The following NEK7 variants were observed in gnomAD, a reference collection of about 807,000 sequenced individuals.
NEK7 encodes the protein NIMA related kinase 7.
Under a neutral mutation model 44.6 loss-of-function variants are expected in NEK7, and 18 were observed. The observed-to-expected ratio is 0.40, with a 90% CI of 0.28 to 0.60. The LOEUF (loss-of-function observed/expected upper bound fraction) is 0.60, where lower values mean the gene tolerates loss of function less well. NEK7 is among the 20% of genes least tolerant of loss of function. The probability of loss-of-function intolerance (pLI) is 0.38; values close to 1 mark genes in which losing one functional copy is unlikely to be tolerated. For missense variants in NEK7, 256 were observed against 366.5 expected (o/e 0.70, Z 2.46); for synonymous variants, 130 against 121.1 (o/e 1.07, Z -0.48).
chr1:198,182,928 T>G (rs1199267953), intron 1 of NEK7, among the ~76,000 whole-genome samples: 1 of 152,122 alleles, frequency 6.6e-6, no homozygotes, highest in East Asian at 1.9e-4. Context: ...TATACCATAG[T>G]ATAGGCCTTC....
intron 1 of NEK7, among the ~76,000 whole-genome samples, chr1:198,224,874 T>TA (rs1234209253): frequency 2.6e-5 from 4 of 151,536 alleles, no homozygotes; most frequent in Non-Finnish European, 4.4e-5. Context: ...CATGTAGAAA[T>TA]AAAAAAAAGA....
intron 2 of NEK7, among the ~76,000 whole-genome samples, chr1:198,241,025 A>C (rs12083845): frequency 0.18 from 26,967 of 152,200 alleles, 3,445 homozygotes; most frequent in African/African-American, 0.33. Context: ...TTCACATGCT[A>C]TCTCTGATTA....
chr1:198,164,513 C>T (rs936494814), intron 1 of NEK7, among the ~76,000 whole-genome samples: 1 of 152,128 alleles, frequency 6.6e-6, no homozygotes, highest in Non-Finnish European at 1.5e-5. Context: ...TGCAATAAAG[C>T]GAGTCAGATG....
At chr1:198,243,536 A>G (rs1054869750) in intron 2 of NEK7, among the ~76,000 whole-genome samples, 7 of 152,214 alleles carry the variant, frequency 4.6e-5, no homozygotes, top group African/African-American at 1.2e-4. Flanking sequence ...ATGATAACAT[A>G]GGAGAGATAA....
chr1:198,232,350 G>A (rs1486893845), intron 1 of NEK7, among the ~76,000 whole-genome samples: 1 of 152,142 alleles, frequency 6.6e-6, no homozygotes, highest in African/African-American at 2.4e-5. Flanking sequence ...TTTTGGAGAA[G>A]TGGAAATGGT....
At chr1:198,259,490 G>T (rs1452252455) in intron 3 of NEK7, among the ~76,000 whole-genome samples, 1 of 152,056 alleles carries the variant, frequency 6.6e-6, no homozygotes, top group Non-Finnish European at 1.5e-5. Flanking sequence ...TTACAATTTT[G>T]TGCTTTCCAG....
At chr1:198,188,810 C>T (rs756588977) in intron 1 of NEK7, among the ~76,000 whole-genome samples, 21 of 151,952 alleles carry the variant, frequency 1.4e-4, no homozygotes, top group Non-Finnish European at 2.1e-4. Context: ...TAATTTATGT[C>T]GCGAAGTCAT....
chr1:198,282,081 C>G (rs1654217408), intron 7 of NEK7, among the ~76,000 whole-genome samples: 1 of 152,054 alleles, frequency 6.6e-6, no homozygotes, highest in Non-Finnish European at 1.5e-5. Flanking sequence ...TTTCTGCTTC[C>G]TCCCTGCTAC....
At chr1:198,208,637 G>A (rs142863605) in intron 1 of NEK7, 104 of 152,246 alleles carry the variant, frequency 6.8e-4, no homozygotes, top group African/African-American at 2.4e-3. Context: ...TGTACAATGT[G>A]TGCATATTTC....
At chr1:198,179,216 A>G (rs1268244865) in intron 1 of NEK7, among the ~76,000 whole-genome samples, 1 of 152,090 alleles carries the variant, frequency 6.6e-6, no homozygotes, top group African/African-American at 2.4e-5. Flanking sequence ...TCTATATACT[A>G]TAGTGATTTC....
intron 7 of NEK7, among the ~76,000 whole-genome samples, chr1:198,281,582 G>A (rs530530976): frequency 6.6e-6 from 1 of 152,042 alleles, no homozygotes; most frequent in East Asian, 1.9e-4. Context: ...TGGAAAGGAG[G>A]TATTTTCAGG....
intron 1 of NEK7, among the ~76,000 whole-genome samples, chr1:198,210,786 T>C (rs1665744273): frequency 7.6e-6 from 1 of 132,030 alleles, no homozygotes; most frequent in Admixed American, 8.4e-5. Context: ...GGAGTCTCGC[T>C]CTGTCGCCCA....
chr1:198,251,917 C>A (rs1193375090), intron 2 of NEK7, among the ~76,000 whole-genome samples: 1 of 152,066 alleles, frequency 6.6e-6, no homozygotes, highest in Admixed American at 6.6e-5. Flanking sequence ...CTTGTGCTAG[C>A]TTTGGAATGT....
chr1:198,279,626 G>C (rs1654132753), intron 7 of NEK7, among the ~76,000 whole-genome samples: 2 of 151,902 alleles, frequency 1.3e-5, no homozygotes, highest in Middle Eastern at 3.4e-3. Context: ...TTAAGTAAAA[G>C]TTATGTTAAA....
At chr1:198,240,910 G>A (rs1414896462) in intron 2 of NEK7, among the ~76,000 whole-genome samples, 1 of 152,170 alleles carries the variant, frequency 6.6e-6, no homozygotes, top group Non-Finnish European at 1.5e-5. Flanking sequence ...GACCAGGCTG[G>A]TCTTGAACTC....
intron 2 of NEK7, among the ~76,000 whole-genome samples, chr1:198,232,882 ATAT>A (rs1294280774): frequency 6.7e-6 from 1 of 150,284 alleles, no homozygotes; most frequent in Non-Finnish European, 1.5e-5. Context: ...TATGTGTAAT[ATAT>A]TATTTATTTT....
At chr1:198,227,204 T>C (rs1245923949) in intron 1 of NEK7, among the ~76,000 whole-genome samples, 1 of 152,214 alleles carries the variant, frequency 6.6e-6, no homozygotes, top group East Asian at 1.9e-4. Context: ...GAACTCATCC[T>C]TTTTTACGGC....
chr1:198,303,337 A>G, intron 9 of NEK7, among the ~76,000 whole-genome samples: 1 of 152,292 alleles, frequency 6.6e-6, no homozygotes, highest in Admixed American at 6.5e-5. Flanking sequence ...AGCTTTAAAA[A>G]TATAACTGGG....
At chr1:198,254,748 C>T (rs1035433062) in intron 3 of NEK7, among the ~76,000 whole-genome samples, 3 of 152,102 alleles carry the variant, frequency 2.0e-5, no homozygotes, top group Non-Finnish European at 2.9e-5. Context: ...TGCCAAGTTG[C>T]TTTCCAAAGT....
Sources: allele counts gnomAD v4.1 joint callset (sites outside exome capture counted in the v4.1 genomes callset), GRCh38; gene constraint gnomAD v4.1.1; transcripts MANE v1.5; gene names NCBI Gene and HGNC (gene_info 2026-07-23, HGNC 2026-07-21).